The following OPCML variants were observed in gnomAD, a reference collection of about 807,000 sequenced individuals.
The protein encoded by OPCML is opioid binding protein/cell adhesion molecule like, also known as opioid-binding protein/cell adhesion molecule.
OPCML carries 13 observed loss-of-function variants against 37.8 expected under a neutral mutation model. The ratio of observed to expected loss-of-function variants is 0.34; its 90% CI spans 0.22 to 0.55. OPCML has a LOEUF of 0.55. Ranked by LOEUF, OPCML falls within the 20% of genes least tolerant of loss-of-function variation. The pLI, the probability that OPCML is intolerant of heterozygous loss-of-function variation, is 0.91. For missense variants in OPCML, 341 were observed against 435.6 expected (o/e 0.78, Z 1.93); for synonymous variants, 176 against 168.8 (o/e 1.04, Z -0.33).
At chr11:133,001,649 G>A (rs1947006165) in intron 1 of OPCML, among the ~76,000 whole-genome samples, 1 of 152,194 alleles carries the variant, frequency 6.6e-6, no homozygotes, top group Non-Finnish European at 1.5e-5. Flanking sequence ...AGTGGCAAAG[G>A]CCATCTGGAG....
chr11:132,618,449 G>A (rs1939172262), intron 3 of OPCML, among the ~76,000 whole-genome samples: 2 of 152,244 alleles, frequency 1.3e-5, no homozygotes, highest in South Asian at 4.2e-4. Flanking sequence ...GTTGCAGTGA[G>A]CCGAGATGGC....
intron 1 of OPCML, chr11:133,008,097 CACCTTCT>C (rs1381396675): frequency 1.0e-6 from 1 of 985,332 alleles, no homozygotes; most frequent in African/African-American, 1.7e-5. Flanking sequence ...CCAAGGTTTT[CACCTTCT>C]ACTATGGATC....
chr11:132,485,009 G>A (rs1176292136), intron 4 of OPCML, among the ~76,000 whole-genome samples: 7 of 151,950 alleles, frequency 4.6e-5, no homozygotes, highest in African/African-American at 1.7e-4. Context: ...CATGGCACAT[G>A]TATACATATG....
intron 2 of OPCML, among the ~76,000 whole-genome samples, chr11:132,906,846 T>G (rs1317458491): frequency 1.3e-5 from 2 of 152,174 alleles, no homozygotes; most frequent in African/African-American, 4.8e-5. Context: ...CCAAATCCCT[T>G]TAGCAACCAG....
chr11:132,432,069 T>C (rs1314127861), intron 7 of OPCML, among the ~76,000 whole-genome samples: 3 of 152,168 alleles, frequency 2.0e-5, no homozygotes, highest in Admixed American at 2.0e-4. Flanking sequence ...TGGATTGCAA[T>C]AGGAGCAAAG....
chr11:133,221,933 T>G (rs1333775377), intron 1 of OPCML, among the ~76,000 whole-genome samples: 5 of 152,158 alleles, frequency 3.3e-5, no homozygotes, highest in Non-Finnish European at 7.4e-5. Context: ...TCTGAAGATG[T>G]CTTATGTGAG....
intron 1 of OPCML, among the ~76,000 whole-genome samples, chr11:133,135,711 C>T (rs1045087201): frequency 1.3e-5 from 2 of 152,216 alleles, no homozygotes; most frequent in African/African-American, 4.8e-5. Flanking sequence ...AGTTAACATT[C>T]CCACTAGAAT....
intron 1 of OPCML, among the ~76,000 whole-genome samples, chr11:133,331,555 T>C (rs1368941559): frequency 6.6e-6 from 1 of 152,224 alleles, no homozygotes; most frequent in East Asian, 1.9e-4. Flanking sequence ...ATCACTATTG[T>C]TTCTAAATGT....
chr11:133,090,384 A>G (rs752235450), intron 1 of OPCML, among the ~76,000 whole-genome samples: 69 of 152,174 alleles, frequency 4.5e-4, no homozygotes, highest in Non-Finnish European at 9.0e-4. Context: ...GAGCATTGAG[A>G]CTGATTATGA....
chr11:132,833,687 G>T (rs1940845273), intron 2 of OPCML, among the ~76,000 whole-genome samples: 1 of 152,202 alleles, frequency 6.6e-6, no homozygotes, highest in Admixed American at 6.5e-5. Flanking sequence ...CTACAAAAAT[G>T]GGAGTGGTGT....
At chr11:133,327,481 A>G (rs1220702643) in intron 1 of OPCML, among the ~76,000 whole-genome samples, 1 of 151,940 alleles carries the variant, frequency 6.6e-6, no homozygotes, top group Non-Finnish European at 1.5e-5. Context: ...CAGGGAGGTA[A>G]CAGAAAAAAA....
intron 1 of OPCML, among the ~76,000 whole-genome samples, chr11:133,304,202 G>T (rs1434731993): frequency 6.6e-6 from 1 of 152,168 alleles, no homozygotes; most frequent in Non-Finnish European, 1.5e-5. Context: ...CATAAATGCA[G>T]CAAACGTCTG....
chr11:133,499,771 A>T (rs1427352513), intron 1 of OPCML, among the ~76,000 whole-genome samples: 2 of 141,282 alleles, frequency 1.4e-5, no homozygotes, highest in East Asian at 4.1e-4. Flanking sequence ...CAGAAAAATA[A>T]ATATATATAT....
chr11:132,872,790 C>T (rs1193994589), intron 2 of OPCML, among the ~76,000 whole-genome samples: 1 of 152,138 alleles, frequency 6.6e-6, no homozygotes, highest in African/African-American at 2.4e-5. Context: ...GCTCCCCATT[C>T]CTGATTTTGC....
At chr11:132,714,136 A>G (rs904504463) in intron 2 of OPCML, among the ~76,000 whole-genome samples, 1 of 152,204 alleles carries the variant, frequency 6.6e-6, no homozygotes, top group African/African-American at 2.4e-5. Flanking sequence ...AAAATGCAAA[A>G]CAAGACTGAA....
intron 4 of OPCML, among the ~76,000 whole-genome samples, chr11:132,460,873 A>G (rs2096099237): frequency 6.6e-6 from 1 of 152,214 alleles, no homozygotes; most frequent in Admixed American, 6.5e-5. Flanking sequence ...AATAATTGAA[A>G]TTTTAAAAAT....
chr11:133,178,274 G>A (rs938449353), intron 1 of OPCML, among the ~76,000 whole-genome samples: 1 of 152,110 alleles, frequency 6.6e-6, no homozygotes, highest in Non-Finnish European at 1.5e-5. Flanking sequence ...GCAAAGGTCA[G>A]AGGGTGTGAG....
intron 2 of OPCML, among the ~76,000 whole-genome samples, chr11:132,850,836 T>C (rs1011199000): frequency 6.6e-6 from 1 of 152,238 alleles, no homozygotes; most frequent in South Asian, 2.1e-4. Context: ...GCTAGTTGCC[T>C]CTTCTCCAAA....
chr11:133,124,865 T>C (rs1367451564), intron 1 of OPCML, among the ~76,000 whole-genome samples: 1 of 152,190 alleles, frequency 6.6e-6, no homozygotes, highest in Non-Finnish European at 1.5e-5. Context: ...TCAATTTCTT[T>C]CTACTTGCAA....
Sources: gnomAD v4.1 joint callset for allele counts (sites outside exome capture counted in the v4.1 genomes callset) on GRCh38, gnomAD v4.1.1 for gene constraint, MANE v1.5 for transcripts, NCBI Gene and HGNC (gene_info 2026-07-23, HGNC 2026-07-21) for gene names.